CD34: variants seen among roughly 807,000 people sequenced by gnomAD.
CD34 encodes the protein CD34 molecule, also known as hematopoietic progenitor cell antigen CD34.
Under a neutral mutation model 40.1 loss-of-function variants are expected in CD34, and 34 were observed. The observed-to-expected ratio is 0.85, with a 90% CI of 0.65 to 1.13. The LOEUF (loss-of-function observed/expected upper bound fraction) is 1.13. Ranked by LOEUF, CD34 falls within the 50% of genes most tolerant of loss-of-function variation. The probability of loss-of-function intolerance (pLI) is 0.00; values close to 1 mark genes in which losing one functional copy is unlikely to be tolerated. For synonymous variants in CD34, 209 were observed against 190.0 expected (o/e 1.10, Z -0.82); for missense variants, 426 against 466.9 (o/e 0.91, Z 0.81).
intron 4 of CD34, 34 bp from the exon 5 acceptor site, chr1:207,889,655 T>A (rs766495852): frequency 1.9e-5 from 31 of 1,612,252 alleles, no homozygotes; most frequent in African/African-American, 2.7e-5. Flanking sequence ...GAGCAAGAGA[T>A]GAAATTACTG....
chr1:207,899,840 C>T lies in CD34; in HGVS notation c.243G>A (p.Glu81=), dbSNP rs766045452. The T allele has an allele frequency of 2.5e-6, 4 of 1,611,436 alleles. No homozygotes were observed. Among genetic ancestry groups the T allele is most frequent in the South Asian group, 1.1e-5 (1 of 90,502 alleles). ...SLHPVSQHGN[E]ATTNITETTV... The stretch of plus-strand genomic sequence containing the variant: ...TTTTACCTGTGATGTTTGTTGTGGC[C>T]TCATTGCCATGTTGAGACACAGGGT... The change falls in exon 2 of 8, where the codon GAG becomes GAA. Residue 81 remains glutamate, a synonymous_variant. Transcript: ENST00000310833.
chr1:207,882,154 C>T lies in CD34; in HGVS notation c.*5584G>A, dbSNP rs1661822138. 3 of 152,236 alleles carry T rather than the reference C, an allele frequency of 2.0e-5. No individual in the cohort carries two copies. The highest frequency in any genetic ancestry group is 2.0e-4 in the Admixed American group (3 of 15,288). The allele number at this position is 152,236 out of a possible 1,614,324, so 9.4% of individuals were successfully genotyped here. A position where few individuals can be genotyped will look rare whatever the true frequency, so the allele number is the denominator to read the frequency against. On this transcript the variant is annotated 3_prime_UTR_variant, in exon 8 of 8. Transcript: ENST00000310833. ...TATATATAAGTCAAACATAGGGAGACTCCGATATGTAGAGAGAAGAAGGCA... is the reference window on the plus strand; with the variant it reads ...TATATATAAGTCAAACATAGGGAGATTCCGATATGTAGAGAGAAGAAGGCA...
intron 4 of CD34, among the ~76,000 whole-genome samples, chr1:207,894,940 C>T (rs1662118612): frequency 6.6e-6 from 1 of 152,224 alleles, no homozygotes; most frequent in African/African-American, 2.4e-5. Context: ...GAATGAGTGT[C>T]TGGATAGCTA....
rs558244295 is a variant in CD34, at chr1:207,887,256, T to A, written c.*482A>T. ...AAGGCAACACGTTTTTCTGGCTATA[T>A]CATTACAAGAGAGCAGGTGCAAAAG... On this transcript the variant is annotated 3_prime_UTR_variant, in exon 8 of 8. Coordinates refer to ENST00000310833, the MANE Select transcript of CD34 (RefSeq NM_001025109.2). The A allele has an allele frequency of 6.3e-6, 1 of 158,880 alleles. No individual in the cohort carries two copies. Among genetic ancestry groups the A allele is most frequent in the Non-Finnish European group, 1.4e-5 (1 of 72,064 alleles). The allele number at this position is 158,880 out of a possible 1,614,324, so 9.8% of individuals were successfully genotyped here. A position where few individuals can be genotyped will look rare whatever the true frequency, so the allele number is the denominator to read the frequency against.
In CD34 at chr1:207,882,234, G is replaced by T. The variant is rs540448360; in HGVS notation, c.*5504C>A. On this transcript the variant is annotated 3_prime_UTR_variant, in exon 8 of 8. Transcript: ENST00000310833. ...ATGACATGGCACCAGGGTGGTATCA[G>T]CAGAGATCTACTGGGAAGCCTGAAC... 4 of 152,394 alleles carry T rather than the reference G, an allele frequency of 2.6e-5. No homozygotes were observed. In the East Asian group the frequency reaches 5.8e-4, roughly 22 times the overall value. 9.4% of individuals were successfully genotyped at this position (152,394 alleles called of 1,614,324 possible).
rs1661970918 is a variant in CD34 at position 207,889,010 on chromosome 1, T to C, written c.807+151A>G. On this transcript the variant is annotated intron_variant, in intron 6 of 7. Transcript: ENST00000310833. ...AGACTGACGTCTCTTAATTCAGTCA[T>C]ACCCCACCATTTTTGGTTCAAGACT... is the stretch of plus-strand genomic sequence containing the variant. The C allele has an allele frequency of 3.5e-6, 3 of 859,052 alleles. No individual in the cohort carries two copies. In the Admixed American group the frequency reaches 6.3e-5, roughly 18 times the overall value. The allele number at this position is 859,052 out of a possible 1,614,324, so 53.2% of individuals were successfully genotyped here.
chr1:207,906,621 G>T (rs1360521742), intron 1 of CD34, among the ~76,000 whole-genome samples: 1 of 152,112 alleles, frequency 6.6e-6, no homozygotes, highest in African/African-American at 2.4e-5. Flanking sequence ...GATGTGGGTG[G>T]ATCATCTGAA....
In CD34 at chr1:207,887,734, C is replaced by T. The variant is rs781043790; in HGVS notation, c.*4G>A. On this transcript the variant is annotated 3_prime_UTR_variant, in exon 8 of 8. Coordinates refer to ENST00000310833, the MANE Select transcript of CD34 (RefSeq NM_001025109.2). ...ACTGCCCAGCCTTGCCCCACCTAGC[C>T]GAGTCACAATTCGGTATCAGCCACC... The T allele has an allele frequency of 1.9e-5, 31 of 1,614,066 alleles. No individual in the cohort carries two copies. Among genetic ancestry groups the T allele is most frequent in the South Asian group, 2.2e-5 (2 of 91,078 alleles).
At chr1:207,899,485 T>G (rs1662225486) in intron 2 of CD34, among the ~76,000 whole-genome samples, 1 of 152,216 alleles carries the variant, frequency 6.6e-6, no homozygotes, top group South Asian at 2.1e-4. Context: ...AGTTTGGACC[T>G]GTACCCACCT....
At chr1:207,892,370 G>A (rs1239440344) in intron 4 of CD34, among the ~76,000 whole-genome samples, 1 of 152,190 alleles carries the variant, frequency 6.6e-6, no homozygotes. Flanking sequence ...ATGAGGCCAA[G>A]GGTTCGAGAC....
intron 1 of CD34, 123 bp from the exon 2 acceptor site, chr1:207,900,126 A>G (rs1020836561): frequency 8.3e-6 from 6 of 722,148 alleles, no homozygotes; most frequent in Non-Finnish European, 1.4e-5. Context: ...CCTTGTTGGC[A>G]GCAACAAGAA....
chr1:207,904,414 G>A (rs1280162874), intron 1 of CD34, among the ~76,000 whole-genome samples: 5 of 152,176 alleles, frequency 3.3e-5, no homozygotes, highest in African/African-American at 1.2e-4. Flanking sequence ...CCAGGAAGGC[G>A]GTATAGCCCA....
rs1321704536 is a variant in CD34, at chr1:207,883,955, G to A, written c.*3783C>T. 1 of 152,026 alleles carries A rather than the reference G, an allele frequency of 6.6e-6. No homozygotes were observed. The highest frequency in any genetic ancestry group is 6.6e-5 in the Admixed American group (1 of 15,264). The allele number at this position is 152,026 out of a possible 1,614,324, so 9.4% of individuals were successfully genotyped here. On this transcript the variant is annotated 3_prime_UTR_variant, in exon 8 of 8. Coordinates refer to ENST00000310833, the MANE Select transcript of CD34 (RefSeq NM_001025109.2). ...CAGCATGATCCTTTTAAAACATAAA[G>A]CAGATGATATGACTTCTCTGCTCAA...
chr1:207,895,200 C>A (rs1461827319), intron 4 of CD34, among the ~76,000 whole-genome samples: 1 of 152,152 alleles, frequency 6.6e-6, no homozygotes, highest in Non-Finnish European at 1.5e-5. Context: ...GTTTATCAGA[C>A]AAGCAGGGAG....
intron 1 of CD34, among the ~76,000 whole-genome samples, chr1:207,903,192 A>G: frequency 6.6e-6 from 1 of 152,198 alleles, no homozygotes; most frequent in South Asian, 2.1e-4. Flanking sequence ...GCCCTGGAGG[A>G]ATGACATTTA....
chr1:207,893,795 A>C (rs770511585), intron 4 of CD34, among the ~76,000 whole-genome samples: 1 of 152,242 alleles, frequency 6.6e-6, no homozygotes, highest in African/African-American at 2.4e-5. Flanking sequence ...AAGATATACA[A>C]ATGGCCAACA....
chr1:207,885,722 C>T lies in CD34; in HGVS notation c.*2016G>A, dbSNP rs1661885559. ...GAAGACTCTGAACCTCATCATTTCG[C>T]CTCCCCTCTGTCCTAGGGAAGAACC... is the stretch of plus-strand genomic sequence containing the variant. On this transcript the variant is annotated 3_prime_UTR_variant, in exon 8 of 8. Coordinates refer to ENST00000310833, the MANE Select transcript of CD34 (RefSeq NM_001025109.2). 1 of 152,150 alleles carries T rather than the reference C, an allele frequency of 6.6e-6. No homozygotes were observed. Among genetic ancestry groups the T allele is most frequent in the Non-Finnish European group, 1.5e-5 (1 of 68,058 alleles). The allele number at this position is 152,150 out of a possible 1,614,324, so 9.4% of individuals were successfully genotyped here. A position where few individuals can be genotyped will look rare whatever the true frequency, so the allele number is the denominator to read the frequency against.
rs1661830522 is a variant in CD34, at chr1:207,882,810, AGTCCAGAC to A, written c.*4920_*4927del. On this transcript the variant is annotated 3_prime_UTR_variant, in exon 8 of 8. Transcript: ENST00000310833. ...TTAACTCCTGCTTGACCAAAGGATC[AGTCCAGAC>A]GTCACTTCTCCTGGGAAGCCTTCCA... 6.6e-6 allele frequency: 1 copy of A among 152,148 alleles called. No individual in the cohort carries two copies. The highest frequency in any genetic ancestry group is 2.4e-5 in the African/African-American group (1 of 41,414). The allele number at this position is 152,148 out of a possible 1,614,324, so 9.4% of individuals were successfully genotyped here. A position where few individuals can be genotyped will look rare whatever the true frequency, so the allele number is the denominator to read the frequency against.
Position 207,889,625 on chromosome 1 carries a change from G to C in CD34, c.598-4C>G. ...CCCTGTCCTTCTTAAACTCCGCCTG[G>C]GAAGACAGAGAAACATGGAGAGCAA... On this transcript the variant is annotated splice_polypyrimidine_tract_variant and splice_region_variant and intron_variant, in intron 4 of 7. Coordinates refer to ENST00000310833, the MANE Select transcript of CD34 (RefSeq NM_001025109.2). The C allele has an allele frequency of 6.2e-7, 1 of 1,612,152 alleles. No homozygotes were observed.
Sources: gnomAD v4.1 joint callset for allele counts (sites outside exome capture counted in the v4.1 genomes callset) on GRCh38, gnomAD v4.1.1 for gene constraint, MANE v1.5 for transcripts, NCBI Gene and HGNC (gene_info 2026-07-23, HGNC 2026-07-21) for gene names.